The following ROBO1 variants were observed in gnomAD, a reference collection of about 807,000 sequenced individuals.
The protein encoded by ROBO1 is roundabout guidance receptor 1, also known as roundabout homolog 1.
Under a neutral mutation model 195.9 loss-of-function variants are expected in ROBO1, and 149 were observed. The observed-to-expected ratio is 0.76, with a 90% confidence interval of 0.67 to 0.87. ROBO1 has a LOEUF of 0.87. Among genes scored for constraint, ROBO1 ranks in the 40% least tolerant of loss-of-function variants. The pLI is 0.00. For missense variants in ROBO1, 1,933 were observed against 2,068.3 expected, an observed-to-expected ratio of 0.93 and a Z score of 1.27; for synonymous variants, 816 against 733.2, an observed-to-expected ratio of 1.11 and a Z score of -1.82.
At chr3:79,605,868 C>T (rs1944464395) in intron 1 of ROBO1, among the ~76,000 whole-genome samples, 1 of 151,838 alleles carries the variant, frequency 6.6e-6, no homozygotes, top group South Asian at 2.1e-4. Flanking sequence ...GCTTCCATCT[C>T]TCCACTCTTC....
intron 3 of ROBO1, among the ~76,000 whole-genome samples, chr3:78,998,311 G>T (rs1349023): frequency 2.0e-5 from 3 of 152,082 alleles, no homozygotes; most frequent in Non-Finnish European, 4.4e-5. Flanking sequence ...TAGTAATAAC[G>T]ACGGCAAAAG....
intron 2 of ROBO1, among the ~76,000 whole-genome samples, chr3:79,127,508 T>A (rs2080238503): frequency 1.3e-5 from 2 of 152,214 alleles, no homozygotes; most frequent in South Asian, 4.1e-4. Flanking sequence ...TACTTTTAAT[T>A]TACAAGCAAT....
chr3:79,566,191 A>G (rs1467694426), intron 2 of ROBO1, among the ~76,000 whole-genome samples: 2 of 152,150 alleles, frequency 1.3e-5, no homozygotes, highest in Admixed American at 1.3e-4. Flanking sequence ...CTCTTTTGCA[A>G]GATAATCACA....
intron 1 of ROBO1, among the ~76,000 whole-genome samples, chr3:79,737,923 T>C (rs7651390): frequency 0.037 from 5,601 of 152,258 alleles, 353 homozygotes; most frequent in African/African-American, 0.13. Context: ...CCACCTATCT[T>C]CACATCTTAT....
intron 1 of ROBO1, among the ~76,000 whole-genome samples, chr3:79,730,737 T>A (rs367904048): frequency 1.3e-4 from 19 of 149,676 alleles, no homozygotes; most frequent in African/African-American, 4.4e-4. Flanking sequence ...TAATTTGTAA[T>A]CACTGTGAAA....
At chr3:79,423,206 C>G (rs531165054) in intron 2 of ROBO1, among the ~76,000 whole-genome samples, 4 of 151,948 alleles carry the variant, frequency 2.6e-5, no homozygotes, top group Non-Finnish European at 5.9e-5. Context: ...ATTCATAGAC[C>G]AAGAGGTAGT....
At chr3:79,725,268 C>T (rs1702870498) in intron 1 of ROBO1, among the ~76,000 whole-genome samples, 1 of 144,078 alleles carries the variant, frequency 6.9e-6, no homozygotes, top group South Asian at 2.3e-4. Context: ...GCTCTGTCGC[C>T]CAGGCTGGAG....
intron 1 of ROBO1, among the ~76,000 whole-genome samples, chr3:79,603,276 C>T (rs1254857628): frequency 6.6e-6 from 1 of 150,702 alleles, no homozygotes; most frequent in East Asian, 1.9e-4. Flanking sequence ...CAGGCAGTTT[C>T]CTGAATAACA....
At chr3:78,887,962 C>A (rs879321579) in intron 4 of ROBO1, among the ~76,000 whole-genome samples, 9 of 152,124 alleles carry the variant, frequency 5.9e-5, no homozygotes, top group Non-Finnish European at 1.0e-4. Context: ...AGAAAAAAAA[C>A]CTTTCCAGAA....
At chr3:78,907,709 A>G (rs1282318901) in intron 4 of ROBO1, among the ~76,000 whole-genome samples, 1 of 152,094 alleles carries the variant, frequency 6.6e-6, no homozygotes, top group Non-Finnish European at 1.5e-5. Flanking sequence ...AAGTGTATCC[A>G]TGACAAGTTT....
intron 4 of ROBO1, among the ~76,000 whole-genome samples, chr3:78,812,129 T>C (rs1044158594): frequency 2.0e-5 from 3 of 151,986 alleles, no homozygotes; most frequent in Non-Finnish European, 4.4e-5. Flanking sequence ...AAATCAAGAG[T>C]GAATTTTCTA....
chr3:79,429,103 T>C (rs975324147), intron 2 of ROBO1, among the ~76,000 whole-genome samples: 2 of 152,288 alleles, frequency 1.3e-5, no homozygotes, highest in East Asian at 1.9e-4. Context: ...ACTTTTACTG[T>C]ATGTAAATTG....
At chr3:78,921,868 C>T (rs1172601219) in intron 4 of ROBO1, among the ~76,000 whole-genome samples, 2 of 151,682 alleles carry the variant, frequency 1.3e-5, no homozygotes, top group African/African-American at 4.8e-5. Flanking sequence ...TTCACTGCAA[C>T]CTCCGCCTCT....
chr3:79,455,046 C>T (rs897339654), intron 2 of ROBO1, among the ~76,000 whole-genome samples: 1 of 151,990 alleles, frequency 6.6e-6, no homozygotes, highest in Admixed American at 6.6e-5. Flanking sequence ...TTAATATGCT[C>T]ACTCTGAATA....
At chr3:78,758,740 A>C (rs1000445240) in intron 4 of ROBO1, among the ~76,000 whole-genome samples, 9 of 152,068 alleles carry the variant, frequency 5.9e-5, no homozygotes, top group African/African-American at 2.2e-4. Context: ...CAATGGAGGA[A>C]ATTTTTGTGC....
At chr3:79,470,526 A>C (rs1319706891) in intron 2 of ROBO1, among the ~76,000 whole-genome samples, 1 of 152,056 alleles carries the variant, frequency 6.6e-6, no homozygotes, top group East Asian at 1.9e-4. Context: ...AAAACTGTTA[A>C]ATGTTTTTAA....
At chr3:78,920,237 CT>C (rs1398093900) in intron 4 of ROBO1, among the ~76,000 whole-genome samples, 1 of 151,952 alleles carries the variant, frequency 6.6e-6, no homozygotes, top group Non-Finnish European at 1.5e-5. Flanking sequence ...ATTAAGAATC[CT>C]TCATGATTAA....
chr3:79,283,276 C>T (rs964116691), intron 2 of ROBO1, among the ~76,000 whole-genome samples: 1 of 152,156 alleles, frequency 6.6e-6, no homozygotes, highest in Non-Finnish European at 1.5e-5. Context: ...GTACTATGCT[C>T]ACTACCTGGG....
At chr3:79,034,860 C>T (rs768407401) in intron 3 of ROBO1, among the ~76,000 whole-genome samples, 14 of 151,982 alleles carry the variant, frequency 9.2e-5, no homozygotes, top group Non-Finnish European at 1.6e-4. Context: ...CAGGATACCA[C>T]ATTAAAAAAT....
Sources: allele counts gnomAD v4.1 joint callset (sites outside exome capture counted in the v4.1 genomes callset), GRCh38; gene constraint gnomAD v4.1.1; transcripts MANE v1.5; gene names NCBI Gene and HGNC (gene_info 2026-07-23, HGNC 2026-07-21).